SERINC3: variants seen among roughly 807,000 people sequenced by gnomAD.
The protein encoded by SERINC3 is tumor differentially expressed protein 1.
In SERINC3, 22 loss-of-function variants were observed where a neutral mutation model predicts 52.1. That is an observed-to-expected ratio of 0.42 (90% CI 0.30 to 0.60). SERINC3 has a LOEUF of 0.60. SERINC3 is among the 20% of genes least tolerant of loss of function. The probability of loss-of-function intolerance (pLI) is 0.16; values close to 1 mark genes in which losing one functional copy is unlikely to be tolerated. For missense variants in SERINC3, 564 were observed against 584.6 expected (o/e 0.96, Z 0.36); for synonymous variants, 226 against 212.7 (o/e 1.06, Z -0.54).
chr20:44,500,724 T>A (rs2064274401), intron 9 of SERINC3, among the ~76,000 whole-genome samples: 1 of 152,312 alleles, frequency 6.6e-6, no homozygotes, highest in South Asian at 2.1e-4. Flanking sequence ...AGGTCTAGAT[T>A]GAGATAGCCT....
At position 44,512,948 on chromosome 20, in the gene SERINC3, A is replaced by T; in HGVS notation, c.248T>A (p.Ile83Lys). ...CACATCACAATCTTTATCTGCATTT[A>T]TATCAGCCTCATGGATTTTAAATCC... Reference protein sequence around the residue: ...EGGFKIHEADINADKDCDVLV... With the variant: ...EGGFKIHEADKNADKDCDVLV... Residue 83 changes from isoleucine (I) to lysine (K), a missense_variant, in exon 3 of 10, where the codon ATA becomes AAA. Physicochemically the swap from Ile to Lys is moderately radical, Grantham distance 102. Transcript: ENST00000342374. 6.6e-7 allele frequency: 1 copy of T among 1,525,982 alleles called. No individual in the cohort carries two copies. Among genetic ancestry groups the T allele is most frequent in the Non-Finnish European group, 8.7e-7 (1 of 1,145,974 alleles). The allele number at this position is 1,525,982 out of a possible 1,614,324, so 94.5% of individuals were successfully genotyped here.
intron 5 of SERINC3, among the ~76,000 whole-genome samples, chr20:44,509,186 C>T (rs1013124987): frequency 2.0e-5 from 3 of 152,114 alleles, no homozygotes; most frequent in African/African-American, 7.2e-5. Flanking sequence ...ATTGTAAGTG[C>T]CCCTTTCCCA....
At chr20:44,503,624 G>A (rs1352018018) in intron 8 of SERINC3, among the ~76,000 whole-genome samples, 191 bp downstream of exon 8, 23 of 152,230 alleles carry the variant, frequency 1.5e-4, no homozygotes, top group Non-Finnish European at 1.8e-4. Flanking sequence ...CTCCAGCCTA[G>A]GTGACAGAGC....
chr20:44,500,476 C>T (rs186647633), intron 9 of SERINC3, 42 bp from the exon 10 acceptor site: 1 of 1,550,952 alleles, frequency 6.4e-7, no homozygotes, highest in Non-Finnish European at 8.7e-7. Flanking sequence ...GCCTGGTCTA[C>T]CTGACTTCTA....
intron 6 of SERINC3, among the ~76,000 whole-genome samples, chr20:44,505,222 CTTCT>C (rs2064303845): frequency 6.6e-6 from 1 of 152,208 alleles, no homozygotes; most frequent in Non-Finnish European, 1.5e-5. Context: ...AGGCCTATCA[CTTCT>C]TTGAGACTTC....
chr20:44,511,475 A>G (rs2064347396), intron 3 of SERINC3, 107 bp from the exon 4 acceptor site: 2 of 697,834 alleles, frequency 2.9e-6, no homozygotes, highest in South Asian at 1.8e-5. Context: ...TTTTTTCCCA[A>G]CATGATTGTC....
intron 1 of SERINC3, 75 bp downstream of exon 1, chr20:44,521,838 G>T: frequency 6.9e-7 from 1 of 1,445,874 alleles, no homozygotes; most frequent in Non-Finnish European, 9.5e-7. Flanking sequence ...TGGAGCCAAG[G>T]CCCGTGCAGC....
rs746402533 is a variant in SERINC3 at position 44,512,975 on chromosome 20, C to T, written c.221G>A (p.Gly74Glu). ...ATCAGCCTCATGGATTTTAAATCCC[C>T]CTTCACAAAATCCAGGAATCTGGAA... Reference protein sequence around the residue: ...YLKKIPGFCEGGFKIHEADIN... With the variant: ...YLKKIPGFCEEGFKIHEADIN... The change falls in exon 3 of 10, where the codon GGG (glycine) becomes GAG (glutamate). Residue 74 changes from glycine to glutamate, a missense_variant. Gly to Glu is a moderately conservative substitution (Grantham distance 98). Transcript: ENST00000342374. 3 of 1,501,810 alleles carry T rather than the reference C, an allele frequency of 2.0e-6. No homozygotes were observed. The highest frequency in any genetic ancestry group is 2.6e-5 in the East Asian group (1 of 37,872). 93.0% of individuals were successfully genotyped at this position (1,501,810 alleles called of 1,614,324 possible).
intron 1 of SERINC3, 118 bp from the exon 2 acceptor site, chr20:44,514,158 A>T: frequency 9.0e-7 from 1 of 1,114,476 alleles, no homozygotes. Context: ...TCAGAGAATC[A>T]TGGCTGGGAG....
Position 44,497,711 on chromosome 20 carries a change from A to T in SERINC3, c.*2585T>A, listed in dbSNP as rs2064256122. On this transcript the variant is annotated 3_prime_UTR_variant, in exon 10 of 10. Coordinates refer to ENST00000342374, the MANE Select transcript of SERINC3 (RefSeq NM_006811.4). The stretch of plus-strand genomic sequence containing the variant: ...CTGACATAAACCACTGGTTTAAAAG[A>T]CAATGATTCCAATAATTTATATCAA... 6.6e-6 allele frequency: 1 copy of T among 152,218 alleles called. No individual in the cohort carries two copies. The highest frequency in any genetic ancestry group is 1.5e-5 in the Non-Finnish European group (1 of 68,038). The allele number at this position is 152,218 out of a possible 1,614,324, so 9.4% of individuals were successfully genotyped here.
chr20:44,496,275 T>C (rs1393399495), downstream of SERINC3: 1 of 152,382 alleles, frequency 6.6e-6, no homozygotes, highest in Non-Finnish European at 1.5e-5. Flanking sequence ...GTGGTTTCTA[T>C]TATTCTTCTT....
intron 1 of SERINC3, among the ~76,000 whole-genome samples, chr20:44,516,454 G>A (rs1034938451): frequency 7.9e-5 from 12 of 151,444 alleles, no homozygotes; most frequent in South Asian, 2.1e-4. Context: ...GTGCAGTAAC[G>A]CCATCTCGGC....
chr20:44,506,281 CAAAAA>C (rs58316790), intron 6 of SERINC3, among the ~76,000 whole-genome samples: 1 of 65,796 alleles, frequency 1.5e-5, no homozygotes, highest in Admixed American at 1.8e-4. Flanking sequence ...GACTTTGTCT[CAAAAA>C]AAAAAAAAAA....
At chr20:44,519,323 G>T in intron 1 of SERINC3, 1 of 491,352 alleles carries the variant, frequency 2.0e-6, no homozygotes, top group Non-Finnish European at 2.6e-6. Flanking sequence ...TGTAATCCAA[G>T]CACTCTGGGA....
In SERINC3 at chr20:44,510,686, C is replaced by G. The variant is rs568563572; in HGVS notation, c.475+603G>C. On this transcript the variant is annotated intron_variant, in intron 4 of 9. Transcript: ENST00000342374. ...AATTAGCTGGGCGTGGTGGTGGGCG[C>G]CTGTAATCCCAGCTACTCGGGAGAC... Among the ~76,000 whole-genome samples, 5 of 152,104 alleles carry G rather than the reference C, an allele frequency of 3.3e-5. No homozygotes were observed. In the South Asian group the frequency reaches 1.0e-3, roughly 32 times the overall value.
At chr20:44,503,715 A>G in intron 8 of SERINC3, 100 bp downstream of exon 8, 1 of 902,360 alleles carries the variant, frequency 1.1e-6, no homozygotes, top group South Asian at 2.0e-5. Flanking sequence ...AAGAGAGTGA[A>G]GTTTTTAAAT....
At chr20:44,516,140 A>T (rs2064379280) in intron 1 of SERINC3, among the ~76,000 whole-genome samples, 1 of 151,964 alleles carries the variant, frequency 6.6e-6, no homozygotes, top group Admixed American at 6.5e-5. Flanking sequence ...CATCTCTACT[A>T]AAAATACAAA....
chr20:44,500,229 A>G lies in SERINC3; in HGVS notation c.*67T>C. ...AATATTTTAGTTGAAACAAACTTAA[A>G]AGGTATATGGGTTTTCGGTGAAGGA... On this transcript the variant is annotated 3_prime_UTR_variant, in exon 10 of 10. Transcript: ENST00000342374. 1 of 1,499,310 alleles carries G rather than the reference A, an allele frequency of 6.7e-7. No homozygotes were observed. 92.9% of individuals were successfully genotyped at this position (1,499,310 alleles called of 1,614,324 possible).
chr20:44,505,629 G>A (rs930206161), intron 6 of SERINC3, among the ~76,000 whole-genome samples: 4 of 148,168 alleles, frequency 2.7e-5, no homozygotes, highest in Non-Finnish European at 5.9e-5. Flanking sequence ...CTGGAGTTTC[G>A]CTCTTATTGC....
Sources: allele counts gnomAD v4.1 joint callset (sites outside exome capture counted in the v4.1 genomes callset), GRCh38; gene constraint gnomAD v4.1.1; transcripts MANE v1.5; gene names NCBI Gene and HGNC (gene_info 2026-07-23, HGNC 2026-07-21).